Variants in SSBP3 observed in about 807,000 individuals in gnomAD.
The protein encoded by SSBP3 is single-stranded DNA-binding protein 3.
Under a neutral mutation model 69.6 loss-of-function variants are expected in SSBP3, and 5 were observed. That is an observed-to-expected ratio of 0.07 (90% CI 0.04 to 0.15). SSBP3 has a LOEUF of 0.15. Among genes scored for constraint, SSBP3 ranks in the 10% least tolerant of loss-of-function variants. The probability of loss-of-function intolerance (pLI) is 1.00; values close to 1 mark genes in which losing one functional copy is unlikely to be tolerated. For missense variants in SSBP3, 312 were observed against 534.0 expected, an observed-to-expected ratio of 0.58 and a Z score of 4.10; for synonymous variants, 196 against 193.4, an observed-to-expected ratio of 1.01 and a Z score of -0.11.
At chr1:54,313,832 TCTC>T (rs1646049699) in intron 4 of SSBP3, among the ~76,000 whole-genome samples, 1 of 151,932 alleles carries the variant, frequency 6.6e-6, no homozygotes, top group African/African-American at 2.4e-5. Context: ...AGTGGTGGGA[TCTC>T]AGCTCACTGC....
intron 4 of SSBP3, among the ~76,000 whole-genome samples, chr1:54,289,858 T>C (rs1462680250): frequency 2.0e-5 from 3 of 151,956 alleles, no homozygotes; most frequent in Non-Finnish European, 4.4e-5. Flanking sequence ...TCCCCCAGGA[T>C]AGGGGGGCTC....
At chr1:54,365,856 A>C (rs1266627966) in intron 4 of SSBP3, among the ~76,000 whole-genome samples, 1 of 152,200 alleles carries the variant, frequency 6.6e-6, no homozygotes, top group Non-Finnish European at 1.5e-5. Flanking sequence ...CTCTAGAAGA[A>C]CTAGTTTGCC....
chr1:54,347,832 G>A (rs1364834836), intron 4 of SSBP3, among the ~76,000 whole-genome samples: 1 of 152,242 alleles, frequency 6.6e-6, no homozygotes, highest in Non-Finnish European at 1.5e-5. Context: ...AACCTTCAGA[G>A]GGCATGGCCC....
chr1:54,228,873 C>A, intron 14 of SSBP3, 47 bp from the exon 15 acceptor site: 1 of 1,580,294 alleles, frequency 6.3e-7, no homozygotes, highest in South Asian at 1.1e-5. Flanking sequence ...CCCTGGCCCT[C>A]TGCACCCCTC....
chr1:54,377,156 G>A (rs1647272849), intron 4 of SSBP3, among the ~76,000 whole-genome samples: 1 of 152,174 alleles, frequency 6.6e-6, no homozygotes, highest in South Asian at 2.1e-4. Context: ...TAAATGGGGT[G>A]AGGGTGCCAC....
intron 5 of SSBP3, among the ~76,000 whole-genome samples, chr1:54,260,943 G>A (rs151047575): frequency 4.6e-5 from 7 of 152,336 alleles, no homozygotes; most frequent in Admixed American, 3.9e-4. Flanking sequence ...TCAGGGCACA[G>A]AGCTCCTCTC....
In SSBP3 at chr1:54,238,708, G is replaced by A. The variant is rs543461517; in HGVS notation, c.927+421C>T. ...AGCACAGGCAGGCGGGTCCCCCAGCGAGCCCTGTCCCCTTGCTGCTGGCTC... is the reference window on the plus strand; with the variant it reads ...AGCACAGGCAGGCGGGTCCCCCAGCAAGCCCTGTCCCCTTGCTGCTGGCTC... On this transcript the variant is annotated intron_variant, in intron 14 of 17. Transcript: ENST00000610401. 144 of 308,472 alleles carry A rather than the reference G, an allele frequency of 4.7e-4. 2 individuals carry two copies. The highest frequency in any genetic ancestry group is 2.3e-3 in the South Asian group (66 of 29,074). The allele number at this position is 308,472 out of a possible 1,614,324, so 19.1% of individuals were successfully genotyped here. A position where few individuals can be genotyped will look rare whatever the true frequency, so the allele number is the denominator to read the frequency against.
chr1:54,283,027 G>A (rs1174711772), intron 4 of SSBP3, among the ~76,000 whole-genome samples: 1 of 152,206 alleles, frequency 6.6e-6, no homozygotes, highest in Non-Finnish European at 1.5e-5. Context: ...GACACTTTGG[G>A]AGGCCAAGGT....
intron 5 of SSBP3, 131 bp downstream of exon 5, chr1:54,281,307 A>C: frequency 1.4e-6 from 1 of 692,178 alleles, no homozygotes. Flanking sequence ...GAAGGATTTG[A>C]ACCAGCATAA....
chr1:54,356,238 G>A (rs1231091432), intron 4 of SSBP3, among the ~76,000 whole-genome samples: 2 of 152,076 alleles, frequency 1.3e-5, no homozygotes, highest in South Asian at 2.1e-4. Flanking sequence ...CTCTAGGTGC[G>A]TTTTTACAAA....
At chr1:54,374,205 C>T (rs536961984) in intron 4 of SSBP3, among the ~76,000 whole-genome samples, 1 of 152,286 alleles carries the variant, frequency 6.6e-6, no homozygotes, top group African/African-American at 2.4e-5. Context: ...GACGCAGGTG[C>T]GCGGGAATGT....
chr1:54,298,471 C>A (rs1645740839), intron 4 of SSBP3, among the ~76,000 whole-genome samples: 1 of 152,242 alleles, frequency 6.6e-6, no homozygotes, highest in Non-Finnish European at 1.5e-5. Context: ...ATACAAACCA[C>A]AGAGTAATCT....
intron 4 of SSBP3, among the ~76,000 whole-genome samples, chr1:54,385,740 T>C (rs1648032485): frequency 6.6e-6 from 1 of 152,204 alleles, no homozygotes; most frequent in Non-Finnish European, 1.5e-5. Flanking sequence ...TGCTTCATTA[T>C]CTCAAAGCAG....
intron 4 of SSBP3, among the ~76,000 whole-genome samples, chr1:54,336,993 G>A (rs1332008005): frequency 2.0e-5 from 3 of 152,214 alleles, no homozygotes; most frequent in Non-Finnish European, 2.9e-5. Context: ...CAGAGGTGGA[G>A]GGGGAAAGCA....
chr1:54,359,032 T>C (rs1646911833), intron 4 of SSBP3, among the ~76,000 whole-genome samples: 1 of 151,694 alleles, frequency 6.6e-6, no homozygotes, highest in East Asian at 1.9e-4. Context: ...AAAGTGGGGG[T>C]TGGAGGTCAG....
intron 4 of SSBP3, among the ~76,000 whole-genome samples, chr1:54,374,870 A>G (rs970117772): frequency 2.6e-5 from 4 of 152,234 alleles, no homozygotes; most frequent in Non-Finnish European, 4.4e-5. Flanking sequence ...TCATTTCATG[A>G]AAAGGTCATA....
At chr1:54,285,098 C>A (rs1645464269) in intron 4 of SSBP3, among the ~76,000 whole-genome samples, 1 of 152,194 alleles carries the variant, frequency 6.6e-6, no homozygotes, top group East Asian at 1.9e-4. Context: ...GCTTCTCAAG[C>A]AGCAAAACTA....
At chr1:54,309,577 C>T (rs768472617) in intron 4 of SSBP3, among the ~76,000 whole-genome samples, 14 of 152,214 alleles carry the variant, frequency 9.2e-5, no homozygotes, top group Non-Finnish European at 1.5e-4. Flanking sequence ...GCTTAGACAA[C>T]GCCAGGCAGT....
At chr1:54,369,312 T>TGGGGGGGGGGGGGGGGG (rs60597425) in intron 4 of SSBP3, among the ~76,000 whole-genome samples, 6 of 42,864 alleles carry the variant, frequency 1.4e-4, no homozygotes, top group Non-Finnish European at 2.0e-4. Flanking sequence ...GGGACGGGGG[T>TGGGGGGGGGGGGGGGGG]GGGGGGGCAC....
Sources: allele counts gnomAD v4.1 joint callset (sites outside exome capture counted in the v4.1 genomes callset), GRCh38; gene constraint gnomAD v4.1.1; transcripts MANE v1.5; gene names NCBI Gene and HGNC (gene_info 2026-07-23, HGNC 2026-07-21).